RTN1: variants seen among roughly 807,000 people sequenced by gnomAD.
RTN1 encodes the protein reticulon 1.
RTN1 carries 25 observed loss-of-function variants against 65.5 expected under a neutral mutation model. The observed-to-expected ratio is 0.38, with a 90% CI of 0.28 to 0.53. The LOEUF (loss-of-function observed/expected upper bound fraction) is 0.53, where lower values mean the gene tolerates loss of function less well. Among genes scored for constraint, RTN1 ranks in the 20% least tolerant of loss-of-function variants. The pLI is 0.79. For synonymous variants in RTN1, 471 were observed against 447.6 expected (o/e 1.05, Z -0.66); for missense variants, 983 against 1,025.4 (o/e 0.96, Z 0.57).
intron 1 of RTN1, among the ~76,000 whole-genome samples, chr14:59,828,471 G>A (rs941238684): frequency 3.3e-5 from 5 of 152,180 alleles, no homozygotes; most frequent in African/African-American, 1.2e-4. Flanking sequence ...AGTACAGAGG[G>A]AAGACTGGAC....
At chr14:59,707,652 G>C (rs1209464202) in intron 3 of RTN1, among the ~76,000 whole-genome samples, 1 of 151,762 alleles carries the variant, frequency 6.6e-6, no homozygotes, top group African/African-American at 2.4e-5. Flanking sequence ...GTCTAGGAAG[G>C]AGTTAACTGC....
chr14:59,784,480 A>G (rs938438675), intron 1 of RTN1, among the ~76,000 whole-genome samples: 1 of 151,788 alleles, frequency 6.6e-6, no homozygotes, highest in African/African-American at 2.4e-5. Flanking sequence ...CATTTTTTCA[A>G]CTTTAATTAT....
chr14:59,615,096 G>A (rs1453468885), intron 3 of RTN1, among the ~76,000 whole-genome samples: 1 of 152,158 alleles, frequency 6.6e-6, no homozygotes, highest in Non-Finnish European at 1.5e-5. Flanking sequence ...AAAATTCTGT[G>A]GGTATAAACC....
chr14:59,661,080 C>T (rs928219895), intron 3 of RTN1, among the ~76,000 whole-genome samples: 1 of 151,844 alleles, frequency 6.6e-6, no homozygotes, highest in Non-Finnish European at 1.5e-5. Context: ...CACAGAAATA[C>T]AAACTACTGT....
intron 3 of RTN1, among the ~76,000 whole-genome samples, chr14:59,707,602 A>T (rs539765886): frequency 9.2e-5 from 14 of 152,022 alleles, no homozygotes; most frequent in Non-Finnish European, 1.6e-4. Context: ...ACAAATGTTC[A>T]CTCACCAAGA....
At chr14:59,819,860 C>T (rs781067023) in intron 1 of RTN1, among the ~76,000 whole-genome samples, 3 of 149,950 alleles carry the variant, frequency 2.0e-5, no homozygotes, top group African/African-American at 4.8e-5. Flanking sequence ...CCAGCCGCTC[C>T]GAGTGCGGGG....
intron 1 of RTN1, among the ~76,000 whole-genome samples, chr14:59,811,556 G>T (rs1424382347): frequency 6.6e-6 from 1 of 152,126 alleles, no homozygotes; most frequent in African/African-American, 2.4e-5. Flanking sequence ...TTAAAAACTG[G>T]ATATCCTAAA....
intron 8 of RTN1, among the ~76,000 whole-genome samples, chr14:59,598,169 T>C (rs1200455097): frequency 2.0e-5 from 3 of 152,084 alleles, no homozygotes; most frequent in Non-Finnish European, 4.4e-5. Flanking sequence ...CTGGATTGTA[T>C]GGTAGACATG....
intron 1 of RTN1, among the ~76,000 whole-genome samples, chr14:59,815,811 C>G (rs532002717): frequency 1.1e-4 from 16 of 152,138 alleles, no homozygotes; most frequent in Non-Finnish European, 1.9e-4. Flanking sequence ...GAGTCCATTT[C>G]TCCTTCCCAT....
chr14:59,783,197 T>C (rs1461654487), intron 1 of RTN1, among the ~76,000 whole-genome samples: 1 of 152,182 alleles, frequency 6.6e-6, no homozygotes, highest in Non-Finnish European at 1.5e-5. Context: ...TATGCCTATG[T>C]ATATGGGTTT....
At chr14:59,685,786 T>A (rs1394872294) in intron 3 of RTN1, among the ~76,000 whole-genome samples, 2 of 152,288 alleles carry the variant, frequency 1.3e-5, no homozygotes, top group East Asian at 1.9e-4. Flanking sequence ...AAAATACCAA[T>A]GACCTTCTTC....
At chr14:59,652,877 T>A (rs1173386433) in intron 3 of RTN1, among the ~76,000 whole-genome samples, 1 of 151,230 alleles carries the variant, frequency 6.6e-6, no homozygotes, top group Non-Finnish European at 1.5e-5. Flanking sequence ...TCTGAAGAAC[T>A]GAAAGAGAAA....
At chr14:59,798,011 TA>T (rs1050590851) in intron 1 of RTN1, among the ~76,000 whole-genome samples, 1 of 152,160 alleles carries the variant, frequency 6.6e-6, no homozygotes, top group East Asian at 1.9e-4. Context: ...TATAGATTCA[TA>T]AAAAATTATC....
chr14:59,740,110 C>T (rs931702663), intron 2 of RTN1, among the ~76,000 whole-genome samples: 10 of 152,204 alleles, frequency 6.6e-5, no homozygotes, highest in Non-Finnish European at 1.2e-4. Context: ...TTCACCCTTT[C>T]CCACTCTCCC....
chr14:59,718,565 T>G (rs1011528634), intron 3 of RTN1, among the ~76,000 whole-genome samples: 4 of 152,198 alleles, frequency 2.6e-5, no homozygotes, highest in Non-Finnish European at 2.9e-5. Flanking sequence ...AGTGCCATAT[T>G]GGACCATTCC....
rs372690139 is a variant in RTN1, at chr14:59,794,741, AC to A, written c.242-48261del. ...AAAGGAAAAAGAAAGGAAAGAACATACCCTTTTCTTTTCAGGGAACAATTCA... is the reference window on the plus strand; with the variant it reads ...AAAGGAAAAAGAAAGGAAAGAACATACCTTTTCTTTTCAGGGAACAATTCA... On this transcript the variant is annotated intron_variant, in intron 1 of 8. Transcript: ENST00000267484. The surrounding 1 kb of genome is among the most constrained non-coding windows in gnomAD (Gnocchi z 5.1). Among the ~76,000 whole-genome samples, 6 of 151,920 alleles carry A rather than the reference AC, an allele frequency of 3.9e-5. No individual in the cohort carries two copies. The highest frequency in any genetic ancestry group is 1.2e-4 in the African/African-American group (5 of 41,280).
At chr14:59,714,560 T>G (rs950317864) in intron 3 of RTN1, among the ~76,000 whole-genome samples, 1 of 152,264 alleles carries the variant, frequency 6.6e-6, no homozygotes, top group South Asian at 2.1e-4. Context: ...CACAACTGCA[T>G]CTCACCCATC....
chr14:59,610,328 C>A, intron 3 of RTN1: 1 of 566,100 alleles, frequency 1.8e-6, no homozygotes, highest in Non-Finnish European at 3.1e-6. Context: ...CAGGAGGTTT[C>A]TAATAAGGAG....
At chr14:59,671,660 G>A (rs544677247) in intron 3 of RTN1, among the ~76,000 whole-genome samples, 2 of 152,272 alleles carry the variant, frequency 1.3e-5, no homozygotes, top group South Asian at 4.2e-4. Flanking sequence ...AGAGCACCAG[G>A]ACACTTTACC....
Sources: gnomAD v4.1 joint callset for allele counts (sites outside exome capture counted in the v4.1 genomes callset) on GRCh38, gnomAD v4.1.1 for gene constraint, Gnocchi (gnomAD v3.1) non-coding constraint, MANE v1.5 for transcripts, NCBI Gene and HGNC (gene_info 2026-07-23, HGNC 2026-07-21) for gene names.